The following IRAK4 variants were observed in gnomAD, a reference collection of about 807,000 sequenced individuals.
The protein encoded by IRAK4 is interleukin-1 receptor-associated kinase 4.
A neutral mutation model predicts 51.8 loss-of-function variants in IRAK4; 44 were observed. That is an observed-to-expected ratio of 0.85 (90% CI 0.67 to 1.09). The LOEUF (loss-of-function observed/expected upper bound fraction) is 1.09, where lower values mean the gene tolerates loss of function less well. Ranked by LOEUF, IRAK4 falls within the 50% of genes least tolerant of loss-of-function variation. IRAK4 has a pLI of 0.00. For synonymous variants in IRAK4, 149 were observed against 174.1 expected, an observed-to-expected ratio of 0.86 and a Z score of 1.13; for missense variants, 487 against 538.0, an observed-to-expected ratio of 0.91 and a Z score of 0.94.
rs1942250914 is a variant in IRAK4, at chr12:43,786,780, T to C, written c.*65T>C. ...TATCTCAACCATTTTTTTAACTGAT[T>C]TTTTTCCTAAATATTCTTCTTTACC... is the stretch of plus-strand genomic sequence containing the variant. On this transcript the variant is annotated 3_prime_UTR_variant, in exon 12 of 12. Transcript: ENST00000613694. 2 of 1,364,672 alleles carry C rather than the reference T, an allele frequency of 1.5e-6. No individual in the cohort carries two copies. The highest frequency in any genetic ancestry group is 2.1e-6 in the Non-Finnish European group (2 of 959,098). The allele number at this position is 1,364,672 out of a possible 1,614,324, so 84.5% of individuals were successfully genotyped here. A position where few individuals can be genotyped will look rare whatever the true frequency, so the allele number is the denominator to read the frequency against.
At chr12:43,779,553 G>A (rs1374880042) in intron 8 of IRAK4, among the ~76,000 whole-genome samples, 1 of 152,128 alleles carries the variant, frequency 6.6e-6, no homozygotes, top group Non-Finnish European at 1.5e-5. Context: ...AAGAAGAGAG[G>A]GGAGCAGATT....
intron 8 of IRAK4, among the ~76,000 whole-genome samples, chr12:43,781,606 C>G (rs751983075): frequency 3.3e-5 from 5 of 152,158 alleles, no homozygotes; most frequent in Non-Finnish European, 7.4e-5. Context: ...CCTACTTTTT[C>G]CAGGCACATG....
chr12:43,767,804 G>A (rs1435534845), intron 1 of IRAK4, among the ~76,000 whole-genome samples: 1 of 152,096 alleles, frequency 6.6e-6, no homozygotes, highest in Admixed American at 6.6e-5. Flanking sequence ...TTTCTGGTAA[G>A]TTTTTTGCCC....
rs1940409013 is a variant in IRAK4 at position 43,768,486 on chromosome 12, A to G, written c.161+214A>G. ...TAGGGCTAATACTGTGATCTCTCAA[A>G]TAAGTTTTTTGGGTTAGAATCAAGA... On this transcript the variant is annotated intron_variant, in intron 2 of 11. Transcript: ENST00000613694. 3 of 396,354 alleles carry G rather than the reference A, an allele frequency of 7.6e-6. No individual in the cohort carries two copies. In the South Asian group the frequency reaches 2.1e-4, roughly 28 times the overall value. The allele number at this position is 396,354 out of a possible 1,614,324, so 24.6% of individuals were successfully genotyped here.
chr12:43,772,408 A>T, intron 4 of IRAK4, 46 bp downstream of exon 4: 1 of 1,515,350 alleles, frequency 6.6e-7, no homozygotes, highest in South Asian at 1.1e-5. Flanking sequence ...TGTCATTAAG[A>T]CTACCAGTGC....
In IRAK4 at chr12:43,788,175, CATG is replaced by C. The variant is rs1007868513; in HGVS notation, c.*1463_*1465del. 2.0e-5 allele frequency: 3 copies of C among 152,290 alleles called. No individual in the cohort carries two copies. The South Asian group carries it at 6.2e-4, about 32-fold the overall frequency. 9.4% of individuals were successfully genotyped at this position (152,290 alleles called of 1,614,324 possible). Reference sequence around the variant, plus strand: ...TGATGTTTTTCCCATGATGATTTCCCATGATATTTACAGGTTTTGCCCACATTT... The same window carrying C: ...TGATGTTTTTCCCATGATGATTTCCCATATTTACAGGTTTTGCCCACATTT... On this transcript the variant is annotated 3_prime_UTR_variant, in exon 12 of 12. Transcript: ENST00000613694.
In IRAK4 at chr12:43,778,139, T is replaced by C. The variant is rs1274338275; in HGVS notation, c.832-54T>C. ...AAAATATTCTGTGTTATATATTCTC[T>C]GTAGATTTTTTATTATTCTTTCTCA... On this transcript the variant is annotated intron_variant, in intron 7 of 11. Transcript: ENST00000613694. The C allele has an allele frequency of 1.9e-5, 19 of 1,022,438 alleles. No homozygotes were observed. In the East Asian group the frequency reaches 4.7e-4, roughly 25 times the overall value. The allele number at this position is 1,022,438 out of a possible 1,614,324, so 63.3% of individuals were successfully genotyped here.
rs185439703 is a variant in IRAK4, at chr12:43,785,918, G to A, written c.1189-481G>A. On this transcript the variant is annotated intron_variant, in intron 10 of 11. Coordinates refer to ENST00000613694, the MANE Select transcript of IRAK4 (RefSeq NM_016123.4). Reference sequence around the variant, plus strand: ...CATAAAAGAGGTACAGTAAAAATACGGTATTATAATTTTATGGGACCACCA... The same window carrying A: ...CATAAAAGAGGTACAGTAAAAATACAGTATTATAATTTTATGGGACCACCA... 1.9e-3 allele frequency among the ~76,000 whole-genome samples: 288 copies of A among 151,980 alleles called. 4 individuals are homozygous for A. Among genetic ancestry groups the A allele is most frequent in the Admixed American group, 0.018 (272 of 15,262 alleles).
intron 2 of IRAK4, among the ~76,000 whole-genome samples, chr12:43,769,154 C>A (rs1383141182): frequency 1.3e-5 from 2 of 148,828 alleles, no homozygotes; most frequent in Admixed American, 1.3e-4. Flanking sequence ...TTTTTTTTTT[C>A]TTTTTTCCAA....
chr12:43,772,746 A>C (rs1256648040), intron 4 of IRAK4, among the ~76,000 whole-genome samples, 166 bp from the exon 5 acceptor site: 1 of 152,222 alleles, frequency 6.6e-6, no homozygotes, highest in Non-Finnish European at 1.5e-5. Flanking sequence ...AGAGTTCTCA[A>C]GAAAAACTTA....
chr12:43,769,154 CT>C lies in IRAK4; in HGVS notation c.161+888del, dbSNP rs560749102. On this transcript the variant is annotated intron_variant, in intron 2 of 11. Transcript: ENST00000613694. ...GATAAAGCTCTTCTCTTTTTTTTTTCTTTTTTCCAAGACTCATTCCTGTGAC... is the reference window on the plus strand; with the variant it reads ...GATAAAGCTCTTCTCTTTTTTTTTTCTTTTTCCAAGACTCATTCCTGTGAC... 1.3e-3 allele frequency among the ~76,000 whole-genome samples: 192 copies of C among 148,938 alleles called. 2 individuals carry two copies. Among genetic ancestry groups the C allele is most frequent in the African/African-American group, 4.2e-3 (171 of 40,684 alleles).
chr12:43,784,268 T>G (rs949355649), intron 10 of IRAK4, among the ~76,000 whole-genome samples: 27 of 152,234 alleles, frequency 1.8e-4, no homozygotes, highest in African/African-American at 6.3e-4. Context: ...AGAAGATTTC[T>G]GTGACCAAAT....
At chr12:43,760,456 A>G (rs1939400631) in intron 1 of IRAK4, among the ~76,000 whole-genome samples, 1 of 152,182 alleles carries the variant, frequency 6.6e-6, no homozygotes, top group South Asian at 2.1e-4. Context: ...TCCAGCATCT[A>G]CATCTCACCC....
At chr12:43,769,179 A>G (rs1940486692) in intron 2 of IRAK4, among the ~76,000 whole-genome samples, 1 of 152,002 alleles carries the variant, frequency 6.6e-6, no homozygotes. Flanking sequence ...CATTCCTGTG[A>G]CAGAAAAAGC....
At chr12:43,783,925 A>T (rs1941997117) in intron 10 of IRAK4, among the ~76,000 whole-genome samples, 1 of 152,190 alleles carries the variant, frequency 6.6e-6, no homozygotes, top group South Asian at 2.1e-4. Flanking sequence ...TAGAAAAGTC[A>T]CTTATATATT....
chr12:43,782,216 A>G (rs933933970), intron 8 of IRAK4, 91 bp from the exon 9 acceptor site: 5 of 778,870 alleles, frequency 6.4e-6, no homozygotes, highest in East Asian at 2.6e-5. Context: ...ACATATATAC[A>G]TGCATACATA....
At chr12:43,784,067 GA>G (rs1942010084) in intron 10 of IRAK4, among the ~76,000 whole-genome samples, 1 of 151,870 alleles carries the variant, frequency 6.6e-6, no homozygotes, top group South Asian at 2.1e-4. Flanking sequence ...AGCATTTTCA[GA>G]GGGGGGAAAA....
At chr12:43,779,351 G>C (rs1335470294) in intron 8 of IRAK4, among the ~76,000 whole-genome samples, 1 of 152,184 alleles carries the variant, frequency 6.6e-6, no homozygotes, top group Non-Finnish European at 1.5e-5. Context: ...AGTGTAGGAA[G>C]CTAAGTCCTA....
chr12:43,783,642 GA>G lies in IRAK4; in HGVS notation c.1126-19del. On this transcript the variant is annotated intron_variant, in intron 9 of 11. Transcript: ENST00000613694. ...AGCCTATCTTGTGTATTATATTAAT[GA>G]TTTTTTTTGTCTTCATAGGTTTTAC... is the stretch of plus-strand genomic sequence containing the variant. 2.0e-6 allele frequency: 3 copies of G among 1,523,688 alleles called. No homozygotes were observed. The highest frequency in any genetic ancestry group is 1.8e-6 in the Non-Finnish European group (2 of 1,101,478). The allele number at this position is 1,523,688 out of a possible 1,614,324, so 94.4% of individuals were successfully genotyped here.
Sources: gnomAD v4.1 joint callset for allele counts (sites outside exome capture counted in the v4.1 genomes callset) on GRCh38, gnomAD v4.1.1 for gene constraint, MANE v1.5 for transcripts, NCBI Gene and HGNC (gene_info 2026-07-23, HGNC 2026-07-21) for gene names.